Variants in PHACTR4 observed in about 807,000 individuals in gnomAD.
PHACTR4 encodes protein phosphatase 1, regulatory subunit 124.
In PHACTR4, 51 loss-of-function variants were observed where a neutral mutation model predicts 72.7. That is an observed-to-expected ratio of 0.70 (90% CI 0.56 to 0.89). The LOEUF (loss-of-function observed/expected upper bound fraction) is 0.89, where lower values mean the gene tolerates loss of function less well. PHACTR4 is among the 40% of genes least tolerant of loss of function. The pLI is 0.00. For missense variants in PHACTR4, 731 were observed against 861.8 expected (o/e 0.85, Z 1.90); for synonymous variants, 255 against 302.5 (o/e 0.84, Z 1.63).
chr1:28,451,236 G>A (rs1352091151), intron 2 of PHACTR4, among the ~76,000 whole-genome samples: 1 of 151,846 alleles, frequency 6.6e-6, no homozygotes, highest in Non-Finnish European at 1.5e-5. Flanking sequence ...TTACAGGCGT[G>A]AGCCACTGCA....
At position 28,461,987 on chromosome 1, in the gene PHACTR4, C is replaced by CTGTA. The variant is rs533423769; in HGVS notation, c.271+1696_271+1699dup. Reference sequence around the variant, plus strand: ...GTTACGTACTACTTTAATGGTTTCACTGTAGCACCTCTTTGGCCCTTGCTT... The same window carrying CTGTA: ...GTTACGTACTACTTTAATGGTTTCACTGTATGTAGCACCTCTTTGGCCCTTGCTT... On this transcript the variant is annotated intron_variant, in intron 4 of 13. Transcript: ENST00000373839. Among the ~76,000 whole-genome samples the CTGTA allele has an allele frequency of 9.3e-4, 140 of 150,424 alleles. 1 individual carries two copies. Among genetic ancestry groups the CTGTA allele is most frequent in the African/African-American group, 3.3e-3 (130 of 39,940 alleles).
intron 2 of PHACTR4, among the ~76,000 whole-genome samples, chr1:28,430,007 T>C (rs1656137319): frequency 6.6e-6 from 1 of 152,024 alleles, no homozygotes; most frequent in African/African-American, 2.4e-5. Flanking sequence ...TCATCCCTCC[T>C]ATGGCTGACT....
rs1332217387 is a variant in PHACTR4 at position 28,475,022 on chromosome 1, T to G, written c.1421+871T>G. 2.0e-5 allele frequency among the ~76,000 whole-genome samples: 3 copies of G among 152,136 alleles called. No homozygotes were observed. The East Asian group carries it at 5.8e-4, about 29-fold the overall frequency. On this transcript the variant is annotated intron_variant, in intron 7 of 13. Coordinates refer to ENST00000373839, the MANE Select transcript of PHACTR4 (RefSeq NM_001048183.3). ...CTGGAGTCAGTGGTGCAGTCTTGGC[T>G]CACTGCAACCTCCATCTCCTGGGCT... is the stretch of plus-strand genomic sequence containing the variant.
chr1:28,384,471 G>C (rs182357973), intron 1 of PHACTR4, among the ~76,000 whole-genome samples: 1 of 152,250 alleles, frequency 6.6e-6, no homozygotes, highest in Admixed American at 6.5e-5. Flanking sequence ...AATATTATCA[G>C]ATGGTTATTT....
At chr1:28,423,652 T>A (rs551344809) in intron 2 of PHACTR4, among the ~76,000 whole-genome samples, 1 of 152,252 alleles carries the variant, frequency 6.6e-6, no homozygotes, top group South Asian at 2.1e-4. Flanking sequence ...CCAGATTACT[T>A]AGATGTGAAT....
intron 9 of PHACTR4, among the ~76,000 whole-genome samples, chr1:28,484,072 C>T (rs1044390832): frequency 1.3e-5 from 2 of 152,104 alleles, no homozygotes; most frequent in African/African-American, 2.4e-5. Context: ...CCTGTAATCC[C>T]AGCACGTTTG....
chr1:28,460,983 C>T (rs550524153), intron 4 of PHACTR4, among the ~76,000 whole-genome samples: 14 of 152,248 alleles, frequency 9.2e-5, no homozygotes, highest in African/African-American at 2.9e-4. Context: ...ATGCCCATAT[C>T]ACTGCACCAG....
rs57186471 is a variant in PHACTR4 at position 28,409,951 on chromosome 1, ATTTTTTTTTTTTTTTTTT to A, written c.16+2505_16+2522del. Among the ~76,000 whole-genome samples, 12 of 66,338 alleles carry A rather than the reference ATTTTTTTTTTTTTTTTTT, an allele frequency of 1.8e-4. 1 individual carries two copies. The highest frequency in any genetic ancestry group is 5.4e-4 in the East Asian group (1 of 1,846). The allele number at this position is 66,338 out of a possible 152,430, so 43.5% of individuals were successfully genotyped here. ...GAGGGCAGTCTGTACTTCTTCATAA[ATTTTTTTTTTTTTTTTTT>A]TTTTTTTTTTTTTTTTGAGACAGAG... is the stretch of plus-strand genomic sequence containing the variant. On this transcript the variant is annotated intron_variant, in intron 2 of 13. Coordinates refer to ENST00000373839, the MANE Select transcript of PHACTR4 (RefSeq NM_001048183.3).
chr1:28,425,679 C>G (rs1265797700), intron 2 of PHACTR4, among the ~76,000 whole-genome samples: 2 of 152,190 alleles, frequency 1.3e-5, no homozygotes, highest in African/African-American at 4.8e-5. Flanking sequence ...CAGACACATA[C>G]TGTGTTCCCA....
At chr1:28,401,592 C>T (rs1001051266) in intron 1 of PHACTR4, among the ~76,000 whole-genome samples, 1 of 152,040 alleles carries the variant, frequency 6.6e-6, no homozygotes, top group Non-Finnish European at 1.5e-5. Context: ...CAGGCATGAG[C>T]CACCATGCCC....
Position 28,496,515 on chromosome 1 carries a change from C to A in PHACTR4, c.2094-19C>A. The A allele has an allele frequency of 6.2e-7, 1 of 1,613,474 alleles. No homozygotes were observed. Among genetic ancestry groups the A allele is most frequent in the Non-Finnish European group, 8.5e-7 (1 of 1,179,510 alleles). On this transcript the variant is annotated intron_variant, in intron 13 of 13. Coordinates refer to ENST00000373839, the MANE Select transcript of PHACTR4 (RefSeq NM_001048183.3). ...ATGTACATCATGTGGTAACTTGTCT[C>A]TTTTTTAATCTCTTTTAGCTACCAT...
chr1:28,426,585 A>G (rs34017421), intron 2 of PHACTR4, among the ~76,000 whole-genome samples: 58,538 of 151,662 alleles, frequency 0.39, 12,965 homozygotes, highest in African/African-American at 0.6. Flanking sequence ...AATGGCGTGA[A>G]CCCGGGAGGC....
chr1:28,391,599 C>CTTTTT (rs751801605), intron 1 of PHACTR4, among the ~76,000 whole-genome samples: 3 of 98,818 alleles, frequency 3.0e-5, no homozygotes, highest in East Asian at 2.9e-4. Context: ...AAAATATATT[C>CTTTTT]TTTTTTTTTT....
In PHACTR4 at chr1:28,473,582, T is replaced by C; in HGVS notation, c.852T>C (p.Gly284=). ...AACTGTCCCAAGCAATAAACAGTGGTACATTGTTATCAAAACCGTCCCCAC... is the reference window on the plus strand; with the variant it reads ...AACTGTCCCAAGCAATAAACAGTGGCACATTGTTATCAAAACCGTCCCCAC... The part of the protein sequence containing the change: ...IAELSQAINS[G]TLLSKPSPPL... The change falls in exon 7 of 14, where the codon GGT becomes GGC. Residue 284 remains glycine (G), a synonymous_variant. Coordinates refer to ENST00000373839, the MANE Select transcript of PHACTR4 (RefSeq NM_001048183.3). 4 of 1,612,506 alleles carry C rather than the reference T, an allele frequency of 2.5e-6. No homozygotes were observed. The highest frequency in any genetic ancestry group is 2.2e-5 in the East Asian group (1 of 44,854).
At chr1:28,478,231 T>A (rs999268878) in intron 8 of PHACTR4, among the ~76,000 whole-genome samples, 1 of 152,218 alleles carries the variant, frequency 6.6e-6, no homozygotes, top group African/African-American at 2.4e-5. Flanking sequence ...TAACAGGATT[T>A]CTTTCTTTTT....
chr1:28,414,536 C>T (rs768556889), intron 2 of PHACTR4, among the ~76,000 whole-genome samples: 2 of 151,404 alleles, frequency 1.3e-5, no homozygotes, highest in Non-Finnish European at 2.9e-5. Context: ...TACCACCATG[C>T]CTGACTAATT....
In PHACTR4 at chr1:28,416,580, T is replaced by C. The variant is rs985965057; in HGVS notation, c.16+9117T>C. Among the ~76,000 whole-genome samples, 63 of 152,248 alleles carry C rather than the reference T, an allele frequency of 4.1e-4. 1 individual carries two copies. The highest frequency in any genetic ancestry group is 1.5e-5 in the Non-Finnish European group (1 of 68,036). ...GCAGTAATGCTGACATTCTGGACTA[T>C]TGCCTGTGTCCTCTCACCACTTTTT... On this transcript the variant is annotated intron_variant, in intron 2 of 13. Coordinates refer to ENST00000373839, the MANE Select transcript of PHACTR4 (RefSeq NM_001048183.3).
In PHACTR4 at chr1:28,476,188, A is replaced by C; in HGVS notation, c.1503A>C (p.Lys501Asn). The C allele has an allele frequency of 1.2e-6, 2 of 1,612,674 alleles. No homozygotes were observed. The highest frequency in any genetic ancestry group is 1.7e-6 in the Non-Finnish European group (2 of 1,179,176). ...TGACACCTACCTCAGTCATTCCTAA[A>C]TTACCACAGTGTCTACGGGAGGAAG... ...EEMTPTSVIPKLPQCLREEEE... is the reference protein window; with the variant it reads ...EEMTPTSVIPNLPQCLREEEE... The change falls in exon 8 of 14, where the codon AAA becomes AAC. Residue 501 changes from lysine (K) to asparagine (N), a missense_variant. Lys to Asn is a moderately conservative substitution (Grantham distance 94). Transcript: ENST00000373839.
At position 28,496,614 on chromosome 1, in the gene PHACTR4, G is replaced by T; in HGVS notation, c.*65G>T. 6.3e-7 allele frequency: 1 copy of T among 1,585,184 alleles called. No individual in the cohort carries two copies. The highest frequency in any genetic ancestry group is 1.7e-5 in the Admixed American group (1 of 59,944). ...TGCTTCCTTCTCCAAAGTGACATAT[G>T]GAGGGAACTTTAGCACTTCCCAGCA... On this transcript the variant is annotated 3_prime_UTR_variant, in exon 14 of 14. Transcript: ENST00000373839.
Sources: allele counts gnomAD v4.1 joint callset (sites outside exome capture counted in the v4.1 genomes callset), GRCh38; gene constraint gnomAD v4.1.1; transcripts MANE v1.5; gene names NCBI Gene and HGNC (gene_info 2026-07-23, HGNC 2026-07-21).